The following PRUNE2 variants were observed in gnomAD, a reference collection of about 807,000 sequenced individuals.
The protein encoded by PRUNE2 is protein prune homolog 2.
In PRUNE2, 164 loss-of-function variants were observed where a neutral mutation model predicts 252.0. That is an observed-to-expected ratio of 0.65 (90% CI 0.57 to 0.74). The LOEUF (loss-of-function observed/expected upper bound fraction) is 0.74, where lower values mean the gene tolerates loss of function less well. PRUNE2 is among the 30% of genes least tolerant of loss of function. The pLI is 0.00. For missense variants in PRUNE2, 3,495 were observed against 3,711.0 expected (o/e 0.94, Z 1.51); for synonymous variants, 1,292 against 1,350.2 (o/e 0.96, Z 0.94).
At chr9:76,685,927 G>T (rs2044031848) in intron 9 of PRUNE2, among the ~76,000 whole-genome samples, 1 of 152,108 alleles carries the variant, frequency 6.6e-6, no homozygotes, top group Non-Finnish European at 1.5e-5. Context: ...AGATCTCCAG[G>T]GAGAGAGAGA....
At chr9:76,898,176 G>C (rs1266219107) in intron 1 of PRUNE2, among the ~76,000 whole-genome samples, 1 of 152,206 alleles carries the variant, frequency 6.6e-6, no homozygotes, top group African/African-American at 2.4e-5. Flanking sequence ...CTGCCTTTAG[G>C]GGGCAAGAAG....
chr9:76,641,961 GAGA>G, intron 12 of PRUNE2: 13 of 1,502,470 alleles, frequency 8.7e-6, no homozygotes, highest in South Asian at 3.8e-5. Flanking sequence ...CAAGACTTCA[GAGA>G]AGGTTACCTG....
At position 76,698,307 on chromosome 9, in the gene PRUNE2, G is replaced by A. The variant is rs144031882; in HGVS notation, c.8276+5030C>T. On this transcript the variant is annotated intron_variant, in intron 9 of 18. Transcript: ENST00000376718. ...GGTGATCCACCCGCTTTGGCCTCCC[G>A]AAGTGCTGAGATTACAGGCGTGAGC... Among the ~76,000 whole-genome samples the A allele has an allele frequency of 1.8e-3, 280 of 152,164 alleles. 1 individual carries two copies. Among genetic ancestry groups the A allele is most frequent in the African/African-American group, 6.6e-3 (272 of 41,498 alleles).
chr9:76,731,469 A>T (rs1436186415), intron 6 of PRUNE2, among the ~76,000 whole-genome samples: 1 of 151,744 alleles, frequency 6.6e-6, no homozygotes. Context: ...CTGCAGGCAC[A>T]CACCACTATA....
At chr9:76,893,528 G>C (rs1005596928) in intron 1 of PRUNE2, among the ~76,000 whole-genome samples, 5 of 152,116 alleles carry the variant, frequency 3.3e-5, no homozygotes, top group African/African-American at 1.2e-4. Context: ...CCAACAAAGG[G>C]GCCAATTGTA....
chr9:76,900,085 G>A (rs950977838), intron 1 of PRUNE2, among the ~76,000 whole-genome samples: 9 of 152,122 alleles, frequency 5.9e-5, no homozygotes, highest in Middle Eastern at 3.2e-3. Flanking sequence ...GGTTAGGGAA[G>A]AGATGAAGGA....
chr9:76,673,586 G>C (rs1355601036), intron 9 of PRUNE2, among the ~76,000 whole-genome samples: 32 of 145,632 alleles, frequency 2.2e-4, no homozygotes, highest in African/African-American at 7.9e-4. Context: ...CCAAAGCCAG[G>C]CAGAGACACA....
chr9:76,848,023 G>C (rs554051580), intron 3 of PRUNE2, among the ~76,000 whole-genome samples: 7 of 152,234 alleles, frequency 4.6e-5, no homozygotes, highest in Non-Finnish European at 8.8e-5. Context: ...CAGCACTTTG[G>C]GAGGCTGAGG....
intron 6 of PRUNE2, among the ~76,000 whole-genome samples, chr9:76,817,125 C>T (rs959285648): frequency 6.6e-6 from 1 of 151,960 alleles, no homozygotes; most frequent in Non-Finnish European, 1.5e-5. Context: ...AGAATGCTAA[C>T]CAAGGATTGC....
At chr9:76,696,141 A>G (rs988053378) in intron 9 of PRUNE2, among the ~76,000 whole-genome samples, 3 of 152,178 alleles carry the variant, frequency 2.0e-5, no homozygotes, top group African/African-American at 7.2e-5. Flanking sequence ...GCTGGTTCAG[A>G]ACCGGCAGCT....
chr9:76,687,751 C>A (rs187367118), intron 9 of PRUNE2: 2 of 214,550 alleles, frequency 9.3e-6, no homozygotes, highest in Non-Finnish European at 2.1e-5. Context: ...GAGACACATT[C>A]TGCTCTCAGA....
At chr9:76,853,670 A>G (rs985193620) in intron 2 of PRUNE2, among the ~76,000 whole-genome samples, 3 of 152,192 alleles carry the variant, frequency 2.0e-5, no homozygotes, top group Non-Finnish European at 2.9e-5. Context: ...ACTCTAGCCA[A>G]TGTGCTCTGC....
chr9:76,731,066 G>T (rs1368201059), intron 6 of PRUNE2, among the ~76,000 whole-genome samples: 1 of 152,132 alleles, frequency 6.6e-6, no homozygotes. Flanking sequence ...TGAGAATATG[G>T]CAACAGAAGA....
intron 6 of PRUNE2, among the ~76,000 whole-genome samples, chr9:76,714,284 G>A (rs1171426717): frequency 6.6e-6 from 1 of 152,154 alleles, no homozygotes; most frequent in African/African-American, 2.4e-5. Flanking sequence ...CAGCTGTGGA[G>A]GAATGAATAA....
Position 76,869,634 on chromosome 9 carries a change from G to A in PRUNE2, c.37-15426C>T, listed in dbSNP as rs992567636. On this transcript the variant is annotated intron_variant, in intron 1 of 18. Coordinates refer to ENST00000376718, the MANE Select transcript of PRUNE2 (RefSeq NM_015225.3). ...GATGCAGCAAGATATAGAAATGCAC[G>A]CATATATAAATTCCATATTATTTCA... Among the ~76,000 whole-genome samples the A allele has an allele frequency of 4.5e-4, 68 of 152,108 alleles. 1 individual carries two copies. The highest frequency in any genetic ancestry group is 8.1e-4 in the Non-Finnish European group (55 of 68,024).
At chr9:76,630,262 GT>G (rs11303005) in intron 15 of PRUNE2, among the ~76,000 whole-genome samples, 31,118 of 134,382 alleles carry the variant, frequency 0.23, 3,208 homozygotes, top group African/African-American at 0.28. Flanking sequence ...AAAAATTTTT[GT>G]TTTTTTTTTT....
At chr9:76,902,740 C>T (rs2133762115) in intron 1 of PRUNE2, among the ~76,000 whole-genome samples, 1 of 152,300 alleles carries the variant, frequency 6.6e-6, no homozygotes, top group African/African-American at 2.4e-5. Flanking sequence ...TGCTCCAGCC[C>T]CCAGCCTGTC....
rs2046252351 is a variant in PRUNE2, at chr9:76,705,561, G to A, written c.6713C>T (p.Thr2238Ile). 1.2e-6 allele frequency: 2 copies of A among 1,614,030 alleles called. No homozygotes were observed. The highest frequency in any genetic ancestry group is 1.7e-6 in the Non-Finnish European group (2 of 1,179,894). ...ACCTTCTGGAGTTGGCTCTTGGTGA[G>A]TTACAAAAATGCTAGTTGCCACATT... ...IENVATSIFVTHQEPTPEGDG... is the reference protein window; with the variant it reads ...IENVATSIFVIHQEPTPEGDG... Residue 2238 changes from threonine (T) to isoleucine (I), a missense_variant, in exon 8 of 19, where the codon ACT becomes ATT. Transcript: ENST00000376718.
At chr9:76,741,776 T>TC (rs1212979290) in intron 6 of PRUNE2, among the ~76,000 whole-genome samples, 2 of 152,154 alleles carry the variant, frequency 1.3e-5, no homozygotes, top group Non-Finnish European at 2.9e-5. Context: ...GCAGTCAGCT[T>TC]CCCGCAAGCT....
Sources: allele counts gnomAD v4.1 joint callset (sites outside exome capture counted in the v4.1 genomes callset), GRCh38; gene constraint gnomAD v4.1.1; transcripts MANE v1.5; gene names NCBI Gene and HGNC (gene_info 2026-07-23, HGNC 2026-07-21).